The following HHIP variants were observed in gnomAD, a reference collection of about 807,000 sequenced individuals.
HHIP encodes hedgehog-interacting protein.
HHIP carries 12 observed loss-of-function variants against 74.0 expected under a neutral mutation model. The observed-to-expected ratio is 0.16, with a 90% CI of 0.10 to 0.26. The LOEUF (loss-of-function observed/expected upper bound fraction) is 0.26. Ranked by LOEUF, HHIP falls within the 10% of genes least tolerant of loss-of-function variation. The pLI is 1.00. For missense variants in HHIP, 788 were observed against 845.0 expected (o/e 0.93, Z 0.84); for synonymous variants, 309 against 311.6 (o/e 0.99, Z 0.09).
chr4:144,711,874 C>T (rs966582169), intron 7 of HHIP, 76 bp from the exon 8 acceptor site: 2 of 1,459,300 alleles, frequency 1.4e-6, no homozygotes, highest in African/African-American at 2.8e-5. Flanking sequence ...GGGCTCCTTC[C>T]TATGTCAGGA....
At chr4:144,684,282 G>T (rs1204744773) in intron 4 of HHIP, among the ~76,000 whole-genome samples, 1 of 73,678 alleles carries the variant, frequency 1.4e-5, no homozygotes, top group Admixed American at 2.3e-4. Flanking sequence ...TTTTTGAGAC[G>T]GAGTCTCGCT....
rs1289185115 is a variant in HHIP, at chr4:144,738,119, C to T, written c.*162C>T. The T allele has an allele frequency of 2.3e-6, 3 of 1,309,148 alleles. No individual in the cohort carries two copies. Among genetic ancestry groups the T allele is most frequent in the Admixed American group, 3.5e-5 (1 of 28,816 alleles). The allele number at this position is 1,309,148 out of a possible 1,614,324, so 81.1% of individuals were successfully genotyped here. On this transcript the variant is annotated 3_prime_UTR_variant, in exon 13 of 13. Transcript: ENST00000296575. ...ATGTGCAGATCCTCTGTGTGTATGT[C>T]AGCATGTTTGTTCACATATGCACAT...
At position 144,722,431 on chromosome 4, in the gene HHIP, T is replaced by C. The variant is rs142521474; in HGVS notation, c.1760+3475T>C. ...GTGTTTAAATAATCTATTTTAAACATATTACATTCTTTAGTAATTTTTGTG... is the reference window on the plus strand; with the variant it reads ...GTGTTTAAATAATCTATTTTAAACACATTACATTCTTTAGTAATTTTTGTG... On this transcript the variant is annotated intron_variant, in intron 11 of 12. Coordinates refer to ENST00000296575, the MANE Select transcript of HHIP (RefSeq NM_022475.3). Among the ~76,000 whole-genome samples the C allele has an allele frequency of 7.2e-5, 11 of 152,360 alleles. No homozygotes were observed. The East Asian group carries it at 2.1e-3, about 29-fold the overall frequency.
chr4:144,737,721 T>G (rs565890137), intron 12 of HHIP, 43 bp from the exon 13 acceptor site: 1 of 1,505,094 alleles, frequency 6.6e-7, no homozygotes, highest in Admixed American at 1.9e-5. Context: ...GTTTCTGACA[T>G]ACAGAATGAG....
At chr4:144,720,153 T>C (rs1218155316) in intron 11 of HHIP, among the ~76,000 whole-genome samples, 3 of 152,174 alleles carry the variant, frequency 2.0e-5, no homozygotes, top group South Asian at 2.1e-4. Context: ...CTATATACTA[T>C]AGTGATTTTT....
intron 4 of HHIP, among the ~76,000 whole-genome samples, chr4:144,699,045 C>T (rs1035507906): frequency 6.6e-6 from 1 of 152,104 alleles, no homozygotes; most frequent in Non-Finnish European, 1.5e-5. Context: ...ACCAATTGTG[C>T]GTCCAACAAT....
intron 4 of HHIP, among the ~76,000 whole-genome samples, chr4:144,660,791 G>A (rs1002728445): frequency 6.6e-6 from 1 of 151,962 alleles, no homozygotes; most frequent in African/African-American, 2.4e-5. Flanking sequence ...TTTTACCATT[G>A]TAAATAATGT....
In HHIP at chr4:144,708,289, C is replaced by T. The variant is rs776571641; in HGVS notation, c.1279C>T (p.His427Tyr). 2 of 1,614,000 alleles carry T rather than the reference C, an allele frequency of 1.2e-6. No individual in the cohort carries two copies. The highest frequency in any genetic ancestry group is 1.7e-5 in the Admixed American group (1 of 59,994). Residue 427 changes from histidine to tyrosine, a missense_variant, in exon 7 of 13, where the codon CAT (histidine) becomes TAT (tyrosine). Transcript: ENST00000296575. ...CAACCAGCCCCCCGAAGTGTTTGCT[C>T]ATGGGCTCCACGATCCAGGCAGGTG... ...STNQPPEVFA[H>Y]GLHDPGRCAV...
intron 11 of HHIP, among the ~76,000 whole-genome samples, chr4:144,730,785 A>T (rs2126685994): frequency 1.3e-5 from 2 of 152,222 alleles, no homozygotes; most frequent in South Asian, 4.1e-4. Flanking sequence ...ATTTCATGTA[A>T]AAGGGCCCTG....
chr4:144,682,908 A>G (rs1205763968), intron 4 of HHIP, among the ~76,000 whole-genome samples: 1 of 152,216 alleles, frequency 6.6e-6, no homozygotes, highest in Non-Finnish European at 1.5e-5. Context: ...ATGAGAGCAA[A>G]TTCCAGTTCT....
At chr4:144,653,938 T>A (rs1034400467) in intron 2 of HHIP, among the ~76,000 whole-genome samples, 1 of 152,150 alleles carries the variant, frequency 6.6e-6, no homozygotes, top group Non-Finnish European at 1.5e-5. Context: ...TTCCTCTTTA[T>A]CACATTCCCC....
intron 4 of HHIP, among the ~76,000 whole-genome samples, chr4:144,666,917 A>G (rs1348021767): frequency 2.0e-5 from 3 of 152,214 alleles, no homozygotes; most frequent in Non-Finnish European, 4.4e-5. Context: ...TGCATGCACA[A>G]TCACACATAA....
At chr4:144,718,818 G>A in intron 10 of HHIP, 57 bp from the exon 11 acceptor site, 1 of 977,642 alleles carries the variant, frequency 1.0e-6, no homozygotes, top group South Asian at 1.3e-5. Flanking sequence ...CCAGGCAATA[G>A]GAAGTAAGGA....
At chr4:144,684,059 T>TC (rs1156348185) in intron 4 of HHIP, among the ~76,000 whole-genome samples, 3 of 114,922 alleles carry the variant, frequency 2.6e-5, no homozygotes, top group South Asian at 6.9e-4. Context: ...TGAGACTCCG[T>TC]CTAAAAAAAA....
intron 4 of HHIP, among the ~76,000 whole-genome samples, chr4:144,674,171 G>A (rs1157429926): frequency 6.6e-6 from 1 of 152,190 alleles, no homozygotes. Flanking sequence ...TTATTACTGA[G>A]ATGTGTGCTG....
chr4:144,736,782 C>T (rs1034133599), intron 12 of HHIP, among the ~76,000 whole-genome samples: 12 of 152,162 alleles, frequency 7.9e-5, no homozygotes, highest in Non-Finnish European at 1.3e-4. Flanking sequence ...TGTTTTGGAC[C>T]TAAACAGGAA....
chr4:144,740,030 C>T lies in HHIP; in HGVS notation c.*2073C>T, dbSNP rs528436039. 1.1e-4 allele frequency: 17 copies of T among 152,132 alleles called. No individual in the cohort carries two copies. Among genetic ancestry groups the T allele is most frequent in the Admixed American group, 2.6e-4 (4 of 15,268 alleles). The allele number at this position is 152,132 out of a possible 1,614,324, so 9.4% of individuals were successfully genotyped here. ...AACCATTTTTGTAAATGGACCTTAC[C>T]ATCTAATTGTCCCTTATTCAACGTG... On this transcript the variant is annotated 3_prime_UTR_variant, in exon 13 of 13. Coordinates refer to ENST00000296575, the MANE Select transcript of HHIP (RefSeq NM_022475.3).
At chr4:144,734,966 G>A (rs1578733570) in intron 12 of HHIP, 77 bp downstream of exon 12, 2 of 1,360,750 alleles carry the variant, frequency 1.5e-6, no homozygotes, top group East Asian at 2.4e-5. Flanking sequence ...AACATTGATT[G>A]TTTCTTCTAC....
At position 144,744,678 on chromosome 4, in the gene HHIP, T is replaced by G. The variant is rs1731336285; in HGVS notation, c.*6721T>G. 6.6e-6 allele frequency: 1 copy of G among 152,224 alleles called. No homozygotes were observed. The highest frequency in any genetic ancestry group is 6.5e-5 in the Admixed American group (1 of 15,274). The allele number at this position is 152,224 out of a possible 1,614,324, so 9.4% of individuals were successfully genotyped here. A position where few individuals can be genotyped will look rare whatever the true frequency, so the allele number is the denominator to read the frequency against. On this transcript the variant is annotated 3_prime_UTR_variant, in exon 13 of 13. Coordinates refer to ENST00000296575, the MANE Select transcript of HHIP (RefSeq NM_022475.3). The stretch of plus-strand genomic sequence containing the variant: ...AATATGCAGTTCTCTTTAATCAATC[T>G]TCTATTATTCAATCATCTATCCATT...
Sources: allele counts gnomAD v4.1 joint callset (sites outside exome capture counted in the v4.1 genomes callset), GRCh38; gene constraint gnomAD v4.1.1; transcripts MANE v1.5; gene names NCBI Gene and HGNC (gene_info 2026-07-23, HGNC 2026-07-21).